CCDC73: variants seen among roughly 807,000 people sequenced by gnomAD.
CCDC73 encodes the protein coiled-coil domain-containing protein 73.
A neutral mutation model predicts 116.5 loss-of-function variants in CCDC73; 95 were observed. The observed-to-expected ratio is 0.82, with a 90% confidence interval of 0.69 to 0.97. The LOEUF (loss-of-function observed/expected upper bound fraction) is 0.97. Among genes scored for constraint, CCDC73 ranks in the 50% least tolerant of loss-of-function variants. The probability of loss-of-function intolerance (pLI) is 0.00; values close to 1 mark genes in which losing one functional copy is unlikely to be tolerated. For synonymous variants in CCDC73, 398 were observed against 401.3 expected (o/e 0.99, Z 0.10); for missense variants, 1,066 against 1,206.8 (o/e 0.88, Z 1.73).
At chr11:32,717,951 T>A in intron 3 of CCDC73, 125 bp downstream of exon 3, 1 of 627,874 alleles carries the variant, frequency 1.6e-6, no homozygotes, top group East Asian at 2.8e-5. Flanking sequence ...GAGAACAGCA[T>A]GGGGAAACTG....
At chr11:32,665,403 C>T (rs1265117336) in intron 9 of CCDC73, among the ~76,000 whole-genome samples, 1 of 152,086 alleles carries the variant, frequency 6.6e-6, no homozygotes, top group Non-Finnish European at 1.5e-5. Flanking sequence ...ATCCCTTTAC[C>T]ATTATGTAAT....
chr11:32,778,090 T>C (rs189468551), intron 1 of CCDC73, among the ~76,000 whole-genome samples: 65 of 152,320 alleles, frequency 4.3e-4, no homozygotes, highest in African/African-American at 1.5e-3. Context: ...AATAAAAACA[T>C]GTTAAAACAA....
At chr11:32,773,450 GAAAAAGCT>G (rs1490408030) in intron 1 of CCDC73, among the ~76,000 whole-genome samples, 1 of 152,066 alleles carries the variant, frequency 6.6e-6, no homozygotes, top group East Asian at 1.9e-4. Context: ...ACATCTCAAT[GAAAAAGCT>G]ATTTTTAAAA....
intron 16 of CCDC73, among the ~76,000 whole-genome samples, chr11:32,613,193 T>A (rs1378768251): frequency 6.6e-6 from 1 of 152,088 alleles, no homozygotes; most frequent in Non-Finnish European, 1.5e-5. Flanking sequence ...TTTTTAAGGA[T>A]GAATGAAGAG....
At chr11:32,696,469 C>G (rs1323485164) in intron 6 of CCDC73, among the ~76,000 whole-genome samples, 2 of 152,120 alleles carry the variant, frequency 1.3e-5, no homozygotes, top group Non-Finnish European at 2.9e-5. Flanking sequence ...ATCTGTTACC[C>G]AGGCTGGAGT....
chr11:32,655,100 T>TATTTTCCCTACTG, intron 9 of CCDC73, 128 bp from the exon 10 acceptor site: 2 of 84,086 alleles, frequency 2.4e-5, no homozygotes, highest in Non-Finnish European at 4.7e-5. Flanking sequence ...CCTTGCAAGT[T>TATTTTCCCTACTG]CCCTTGCAAG....
intron 6 of CCDC73, among the ~76,000 whole-genome samples, chr11:32,694,163 A>T (rs901136976): frequency 5.3e-5 from 8 of 152,158 alleles, no homozygotes; most frequent in African/African-American, 1.9e-4. Flanking sequence ...TACTTAGAAA[A>T]CCCCATCGTC....
At chr11:32,775,727 T>C (rs1850527683) in intron 1 of CCDC73, among the ~76,000 whole-genome samples, 1 of 152,192 alleles carries the variant, frequency 6.6e-6, no homozygotes, top group Non-Finnish European at 1.5e-5. Context: ...CCTTTAATAT[T>C]AACAAATCTG....
the CCDC73 span, among the ~76,000 whole-genome samples, chr11:32,824,086 G>C: frequency 2.6e-5 from 4 of 152,014 alleles, no homozygotes; most frequent in Admixed American, 2.6e-4. Context: ...GTGGAGACGG[G>C]GTTTCACCAT....
At chr11:32,634,938 A>G (rs1027248491) in intron 14 of CCDC73, among the ~76,000 whole-genome samples, 2 of 152,226 alleles carry the variant, frequency 1.3e-5, no homozygotes, top group Admixed American at 1.3e-4. Context: ...CCTGGACAAC[A>G]TAGTAAGACC....
intron 2 of CCDC73, among the ~76,000 whole-genome samples, chr11:32,742,068 C>T (rs7950083): frequency 0.67 from 102,507 of 151,920 alleles, 34,939 homozygotes; most frequent in East Asian, 0.93. Flanking sequence ...TTGATGGACA[C>T]CTGGGTTGGT....
At chr11:32,702,362 A>AT (rs934419703) in intron 4 of CCDC73, among the ~76,000 whole-genome samples, 6 of 151,964 alleles carry the variant, frequency 3.9e-5, no homozygotes, top group African/African-American at 1.2e-4. Context: ...GATTCATTTG[A>AT]TTTTTTTTCT....
chr11:32,777,219 C>T (rs918918919), intron 1 of CCDC73, among the ~76,000 whole-genome samples: 2 of 150,882 alleles, frequency 1.3e-5, no homozygotes, highest in Non-Finnish European at 3.0e-5. Context: ...GATTCTCCCG[C>T]CTCAGCCTCC....
At chr11:32,818,542 T>C in the CCDC73 span, among the ~76,000 whole-genome samples, 2 of 152,204 alleles carry the variant, frequency 1.3e-5, no homozygotes, top group Non-Finnish European at 2.9e-5. Context: ...GGCCTGGCAG[T>C]TCCACTCCTA....
chr11:32,827,892 T>C, the CCDC73 span, among the ~76,000 whole-genome samples: 36,913 of 152,048 alleles, frequency 0.24, 4,749 homozygotes, highest in Admixed American at 0.32. Context: ...GGAAAATGGG[T>C]GTTCTAGTGA....
At chr11:32,727,712 C>A (rs1850040360) in intron 2 of CCDC73, among the ~76,000 whole-genome samples, 1 of 152,116 alleles carries the variant, frequency 6.6e-6, no homozygotes, top group Admixed American at 6.5e-5. Flanking sequence ...GCTGGGATTA[C>A]AGGCACCCAC....
chr11:32,614,004 C>T lies in CCDC73; in HGVS notation c.2314G>A (p.Val772Met). Residue 772 changes from valine (V) to methionine (M), a missense_variant, in exon 16 of 18, where the codon GTG (valine) becomes ATG (methionine). Physicochemically the swap from Val to Met is conservative, Grantham distance 21. Coordinates refer to ENST00000335185, the MANE Select transcript of CCDC73 (RefSeq NM_001008391.4). ...NCLGYLENTN[V>M]NISHLHLNNE... The stretch of plus-strand genomic sequence containing the variant: ...TTAAGATGAAGATGGGAAATGTTCA[C>T]ATTAGTGTTTTCTAAGTATCCCAAA... The T allele has an allele frequency of 6.2e-7, 1 of 1,611,216 alleles. No homozygotes were observed. The highest frequency in any genetic ancestry group is 1.3e-5 in the African/African-American group (1 of 75,014).
chr11:32,609,978 A>T (rs912282621), intron 17 of CCDC73, among the ~76,000 whole-genome samples: 1 of 148,470 alleles, frequency 6.7e-6, no homozygotes, highest in Non-Finnish European at 1.5e-5. Context: ...TTTAGTAGAG[A>T]CAGGGTTTCA....
At chr11:32,824,095 A>G in the CCDC73 span, among the ~76,000 whole-genome samples, 1 of 152,088 alleles carries the variant, frequency 6.6e-6, no homozygotes, top group East Asian at 1.9e-4. Context: ...GGGTTTCACC[A>G]TGTTGGCCAG....
Sources: allele counts gnomAD v4.1 joint callset (sites outside exome capture counted in the v4.1 genomes callset), GRCh38; gene constraint gnomAD v4.1.1; transcripts MANE v1.5; gene names NCBI Gene and HGNC (gene_info 2026-07-23, HGNC 2026-07-21).